The following PLCB4 variants were observed in gnomAD, a reference collection of about 807,000 sequenced individuals.
The protein encoded by PLCB4 is phospholipase C beta 4.
Under a neutral mutation model 178.8 loss-of-function variants are expected in PLCB4, and 77 were observed. The ratio of observed to expected loss-of-function variants is 0.43; its 90% CI spans 0.36 to 0.52. The LOEUF is 0.52. PLCB4 is among the 20% of genes least tolerant of loss of function. The pLI, the probability that PLCB4 is intolerant of heterozygous loss-of-function variation, is 0.00. For missense variants in PLCB4, 1,024 were observed against 1,453.4 expected (o/e 0.70, Z 4.80); for synonymous variants, 496 against 490.8 (o/e 1.01, Z -0.14).
intron 2 of PLCB4, among the ~76,000 whole-genome samples, chr20:9,154,956 CTTCCTTCCTTCT>C (rs1468078301): frequency 2.9e-5 from 4 of 136,440 alleles, no homozygotes; most frequent in Non-Finnish European, 6.2e-5. Flanking sequence ...TCCTTCCTTC[CTTCCTTCCTTCT>C]GCTTTTGGGG....
intron 7 of PLCB4, among the ~76,000 whole-genome samples, chr20:9,339,354 G>A (rs2032905959): frequency 6.6e-6 from 1 of 152,038 alleles, no homozygotes. Context: ...GTCTGAGGTG[G>A]GGACAAGATT....
intron 2 of PLCB4, among the ~76,000 whole-genome samples, chr20:9,172,719 A>G (rs1170390289): frequency 6.6e-6 from 1 of 152,206 alleles, no homozygotes; most frequent in Non-Finnish European, 1.5e-5. Context: ...CTCTGCAAAC[A>G]TGATAAACCT....
intron 2 of PLCB4, among the ~76,000 whole-genome samples, chr20:9,129,706 C>T (rs56827502): frequency 0.012 from 1,877 of 152,132 alleles, 32 homozygotes; most frequent in African/African-American, 0.043. Flanking sequence ...AGTGATGTTC[C>T]GAATAAAATT....
At chr20:9,334,898 CA>C (rs1440241771) in intron 4 of PLCB4, among the ~76,000 whole-genome samples, 1 of 151,744 alleles carries the variant, frequency 6.6e-6, no homozygotes, top group Non-Finnish European at 1.5e-5. Flanking sequence ...TAGGGGTACT[CA>C]GGGGGGAAGG....
chr20:9,283,404 T>C (rs980766511), intron 3 of PLCB4, among the ~76,000 whole-genome samples: 2 of 151,940 alleles, frequency 1.3e-5, no homozygotes, highest in African/African-American at 4.8e-5. Flanking sequence ...CCTTCAACTC[T>C]TAGGTGTCTG....
intron 27 of PLCB4, among the ~76,000 whole-genome samples, chr20:9,422,725 TTTG>T (rs890264275): frequency 1.3e-5 from 2 of 152,206 alleles, no homozygotes; most frequent in African/African-American, 4.8e-5. Context: ...CTTTAAAAAC[TTTG>T]TTTTCTTTCT....
chr20:9,421,227 C>T lies in PLCB4; in HGVS notation c.2155-70C>T, dbSNP rs568283167. The T allele has an allele frequency of 5.4e-5, 65 of 1,195,324 alleles. 2 individuals carry two copies. The African/African-American group carries it at 9.4e-4, about 17-fold the overall frequency. 74.0% of individuals were successfully genotyped at this position (1,195,324 alleles called of 1,614,324 possible). A position where few individuals can be genotyped will look rare whatever the true frequency, so the allele number is the denominator to read the frequency against. On this transcript the variant is annotated intron_variant, in intron 26 of 39. Coordinates refer to ENST00000378473, the MANE Select transcript of PLCB4 (RefSeq NM_001377142.1). ...ACCCAAAAGACAGAATTTCTTACTT[C>T]CTGATTATTTTTTGCTACTGATGCT... is the stretch of plus-strand genomic sequence containing the variant.
chr20:9,092,708 G>T (rs1212447356), intron 1 of PLCB4, among the ~76,000 whole-genome samples: 2 of 152,072 alleles, frequency 1.3e-5, no homozygotes, highest in African/African-American at 4.8e-5. Context: ...AGGGAACCAG[G>T]TTCCTTCTGT....
intron 2 of PLCB4, among the ~76,000 whole-genome samples, chr20:9,185,406 G>T (rs1445319295): frequency 6.6e-6 from 1 of 152,170 alleles, no homozygotes; most frequent in Non-Finnish European, 1.5e-5. Flanking sequence ...CTCACACGTG[G>T]TATGGTAAAT....
chr20:9,076,782 A>G (rs1360877537), intron 1 of PLCB4, among the ~76,000 whole-genome samples: 4 of 152,212 alleles, frequency 2.6e-5, no homozygotes, highest in Non-Finnish European at 5.9e-5. Context: ...ATCTGCCAAG[A>G]TGCTATTATT....
chr20:9,159,390 G>T (rs1421403534), intron 2 of PLCB4, among the ~76,000 whole-genome samples: 3 of 152,098 alleles, frequency 2.0e-5, no homozygotes. Flanking sequence ...ATTAACATAG[G>T]ATTATTATAT....
At chr20:9,157,029 A>G (rs974213615) in intron 2 of PLCB4, among the ~76,000 whole-genome samples, 3 of 151,834 alleles carry the variant, frequency 2.0e-5, no homozygotes, top group Admixed American at 1.3e-4. Flanking sequence ...GTCACTGCAC[A>G]ATGTTCTTCC....
At chr20:9,149,144 T>C (rs912464632) in intron 2 of PLCB4, among the ~76,000 whole-genome samples, 3 of 152,110 alleles carry the variant, frequency 2.0e-5, no homozygotes, top group Admixed American at 2.0e-4. Flanking sequence ...CTCTCTGCTT[T>C]CTTTGGTATC....
At chr20:9,468,731 CT>C in intron 36 of PLCB4, 59 bp downstream of exon 36, 1 of 979,938 alleles carries the variant, frequency 1.0e-6, no homozygotes, top group Non-Finnish European at 1.6e-6. Context: ...ACAGTCTCAA[CT>C]TTCTTTATGT....
chr20:9,334,200 G>A (rs1373137086), intron 4 of PLCB4, among the ~76,000 whole-genome samples: 2 of 152,164 alleles, frequency 1.3e-5, no homozygotes, highest in Admixed American at 1.3e-4. Context: ...ACCAGGATTG[G>A]AGAGTGTTTC....
chr20:9,257,051 A>C (rs967878289), intron 3 of PLCB4, among the ~76,000 whole-genome samples: 1 of 152,200 alleles, frequency 6.6e-6, no homozygotes, highest in East Asian at 1.9e-4. Flanking sequence ...GTTACTCAGT[A>C]ACTTTCTTAA....
chr20:9,211,371 C>G (rs906099472), intron 2 of PLCB4, among the ~76,000 whole-genome samples: 1 of 152,224 alleles, frequency 6.6e-6, no homozygotes, highest in Non-Finnish European at 1.5e-5. Flanking sequence ...GCTTGATACT[C>G]AGCATGCATT....
chr20:9,408,516 G>A, intron 22 of PLCB4, 117 bp from the exon 23 acceptor site: 1 of 499,186 alleles, frequency 2.0e-6, no homozygotes, highest in Non-Finnish European at 3.5e-6. Flanking sequence ...ACATGATAAT[G>A]TAGCATTAGC....
chr20:9,131,065 G>A (rs2092260204), intron 2 of PLCB4, among the ~76,000 whole-genome samples: 1 of 152,074 alleles, frequency 6.6e-6, no homozygotes, highest in Non-Finnish European at 1.5e-5. Flanking sequence ...AGCATAACTT[G>A]ACTCTTTTTT....
Sources: allele counts gnomAD v4.1 joint callset (sites outside exome capture counted in the v4.1 genomes callset), GRCh38; gene constraint gnomAD v4.1.1; transcripts MANE v1.5; gene names NCBI Gene and HGNC (gene_info 2026-07-23, HGNC 2026-07-21).